DNAJC21: variants seen among roughly 807,000 people sequenced by gnomAD.
DNAJC21 encodes DnaJ heat shock protein family (Hsp40) member C21, also known as dnaJ homolog subfamily C member 21.
DNAJC21 carries 63 observed loss-of-function variants against 72.4 expected under a neutral mutation model. The observed-to-expected ratio is 0.87, with a 90% CI of 0.71 to 1.07. DNAJC21 has a LOEUF of 1.07. Among genes scored for constraint, DNAJC21 ranks in the 50% least tolerant of loss-of-function variants. The pLI, the probability that DNAJC21 is intolerant of heterozygous loss-of-function variation, is 0.00. For synonymous variants in DNAJC21, 203 were observed against 216.7 expected (o/e 0.94, Z 0.56); for missense variants, 634 against 644.8 (o/e 0.98, Z 0.18).
chr5:34,942,850 C>A (rs991360424), intron 7 of DNAJC21, among the ~76,000 whole-genome samples: 8 of 152,154 alleles, frequency 5.3e-5, no homozygotes, highest in African/African-American at 1.9e-4. Flanking sequence ...GGACAGATCA[C>A]CTGAGGTTGG....
intron 1 of DNAJC21, among the ~76,000 whole-genome samples, chr5:34,931,167 G>C (rs924362597): frequency 6.6e-6 from 1 of 152,138 alleles, no homozygotes; most frequent in Non-Finnish European, 1.5e-5. Flanking sequence ...AAGTCAAAAG[G>C]GAATGGCTAT....
intron 9 of DNAJC21, chr5:34,949,686 A>G: frequency 6.2e-7 from 1 of 1,613,636 alleles, no homozygotes; most frequent in Non-Finnish European, 8.5e-7. Context: ...AGGTACGCTT[A>G]GGATATGTTT....
In DNAJC21 at chr5:34,954,632, G is replaced by A. The variant is rs1458878672; in HGVS notation, c.1514G>A (p.Gly505Asp). The A allele has an allele frequency of 6.8e-6, 11 of 1,613,650 alleles. No individual in the cohort carries two copies. The highest frequency in any genetic ancestry group is 1.7e-4 in the Middle Eastern group (1 of 6,060). The change falls in exon 12 of 12, where the codon GGT becomes GAT. Residue 505 changes from glycine to aspartate, a missense_variant. Gly to Asp is a moderately conservative substitution (Grantham distance 94). Coordinates refer to ENST00000648817, the MANE Select transcript of DNAJC21 (RefSeq NM_001012339.3). ...NKLFDHLKAT[G>D]HARAPSSSSL... ...CTTTTTGACCATCTAAAGGCCACAGGTCATGCAAGAGCACCTTCATCATCG... is the reference window on the plus strand; with the variant it reads ...CTTTTTGACCATCTAAAGGCCACAGATCATGCAAGAGCACCTTCATCATCG...
In DNAJC21 at chr5:34,937,536, G is replaced by C; in HGVS notation, c.649G>C (p.Val217Leu). The change falls in exon 5 of 12, where the codon GTG (valine) becomes CTG (leucine). Residue 217 changes from valine to leucine, a missense_variant. Coordinates refer to ENST00000648817, the MANE Select transcript of DNAJC21 (RefSeq NM_001012339.3). The part of the protein sequence containing the change: ...VAFIRKRDKR[V>L]QAHRKLVEEQ... ...TTTCATTCGTAAAAGAGATAAAAGA[G>C]TGCAGGCGCATCGAAAACTTGTGGA... 1.9e-6 allele frequency: 3 copies of C among 1,614,072 alleles called. No individual in the cohort carries two copies. The highest frequency in any genetic ancestry group is 2.5e-6 in the Non-Finnish European group (3 of 1,179,930).
At chr5:34,953,782 A>C in intron 10 of DNAJC21, 144 bp from the exon 11 acceptor site, 1 of 448,180 alleles carries the variant, frequency 2.2e-6, no homozygotes, top group Non-Finnish European at 3.8e-6. Flanking sequence ...TTAAGATGTA[A>C]AGATTATTTA....
In DNAJC21 at chr5:34,958,869, CTA is replaced by C. The variant is rs761798117; in HGVS notation, c.*4157_*4158del. ...TATGTTAAAAAAATAAGAAGAATGA[CTA>C]TTTTTCAAAACAAAAAATGAGAAGA... On this transcript the variant is annotated 3_prime_UTR_variant, in exon 12 of 12. Transcript: ENST00000648817. The C allele has an allele frequency of 2.4e-4, 36 of 152,272 alleles. No homozygotes were observed. Among genetic ancestry groups the C allele is most frequent in the African/African-American group, 7.9e-4 (33 of 41,556 alleles). The allele number at this position is 152,272 out of a possible 1,614,324, so 9.4% of individuals were successfully genotyped here.
At chr5:34,951,858 A>G (rs1375657806) in intron 10 of DNAJC21, 1 of 985,456 alleles carries the variant, frequency 1.0e-6, no homozygotes, top group East Asian at 1.1e-4. Context: ...TGATCTGGGG[A>G]GGAAGAAGGG....
rs1444094974 is a variant in DNAJC21, at chr5:34,950,311, C to T, written c.1327C>T (p.Pro443Ser). 10 of 1,611,474 alleles carry T rather than the reference C, an allele frequency of 6.2e-6. No individual in the cohort carries two copies. Among genetic ancestry groups the T allele is most frequent in the Non-Finnish European group, 8.5e-6 (10 of 1,179,222 alleles). Reference sequence around the variant, plus strand: ...TGTCAGTGTCACAGAGATCATTAAACCATGTGATGATCCAAAAAGTGAAGC... The same window carrying T: ...TGTCAGTGTCACAGAGATCATTAAATCATGTGATGATCCAAAAAGTGAAGC... ...ENVSVTEIIK[P>S]CDDPKSEAKS... The change falls in exon 10 of 12, where the codon CCA becomes TCA. Residue 443 changes from proline to serine, a missense_variant. Transcript: ENST00000648817.
In DNAJC21 at chr5:34,955,446, G is replaced by A. The variant is rs927181975; in HGVS notation, c.*732G>A. 1.3e-5 allele frequency: 2 copies of A among 152,184 alleles called. No individual in the cohort carries two copies. Among genetic ancestry groups the A allele is most frequent in the African/African-American group, 4.8e-5 (2 of 41,452 alleles). The allele number at this position is 152,184 out of a possible 1,614,324, so 9.4% of individuals were successfully genotyped here. ...ACAGTGACAGCTGTAAAGTATGACGGAACAAGGTAGCAGATGGTACAGAAT... is the reference window on the plus strand; with the variant it reads ...ACAGTGACAGCTGTAAAGTATGACGAAACAAGGTAGCAGATGGTACAGAAT... On this transcript the variant is annotated 3_prime_UTR_variant, in exon 12 of 12. Transcript: ENST00000648817.
At chr5:34,930,969 C>T (rs920274399) in intron 1 of DNAJC21, among the ~76,000 whole-genome samples, 2 of 152,188 alleles carry the variant, frequency 1.3e-5, no homozygotes, top group Non-Finnish European at 2.9e-5. Context: ...TTGAGTCTTC[C>T]CCTTCTCAGA....
intron 4 of DNAJC21, 150 bp from the exon 5 acceptor site, chr5:34,937,176 C>G: frequency 1.3e-6 from 1 of 795,872 alleles, no homozygotes; most frequent in South Asian, 2.3e-5. Context: ...TTCTGGAAAG[C>G]CTTAAAAGTA....
At chr5:34,952,161 T>TA (rs1353962371) in intron 10 of DNAJC21, 1 of 982,812 alleles carries the variant, frequency 1.0e-6, no homozygotes, top group Non-Finnish European at 1.2e-6. Context: ...ATAGTATTTT[T>TA]AAAAAATAAA....
chr5:34,952,003 A>G (rs1239904729), intron 10 of DNAJC21: 17 of 984,738 alleles, frequency 1.7e-5, no homozygotes, highest in African/African-American at 1.8e-5. Flanking sequence ...TATACCCAGC[A>G]CCCTCCCCAC....
Position 34,958,321 on chromosome 5 carries a change from C to G in DNAJC21, c.*3607C>G, listed in dbSNP as rs2112118846. On this transcript the variant is annotated 3_prime_UTR_variant, in exon 12 of 12. Coordinates refer to ENST00000648817, the MANE Select transcript of DNAJC21 (RefSeq NM_001012339.3). ...GGGATCCCTGACGAGAATAAAGAGC[C>G]CAGAAACAGGTCCATGTTTATATGG... 1 of 152,190 alleles carries G rather than the reference C, an allele frequency of 6.6e-6. No individual in the cohort carries two copies. The highest frequency in any genetic ancestry group is 2.1e-4 in the South Asian group (1 of 4,820). The allele number at this position is 152,190 out of a possible 1,614,324, so 9.4% of individuals were successfully genotyped here.
In DNAJC21 at chr5:34,931,544, T is replaced by A. The variant is rs547467379; in HGVS notation, c.97+1628T>A. On this transcript the variant is annotated intron_variant, in intron 1 of 11. Transcript: ENST00000648817. ...TAATTTTCTGAAGAGTGATTTTAAATCAGATTGTATTTCTTGAGTACAAGA... is the reference window on the plus strand; with the variant it reads ...TAATTTTCTGAAGAGTGATTTTAAAACAGATTGTATTTCTTGAGTACAAGA... Among the ~76,000 whole-genome samples the A allele has an allele frequency of 3.3e-5, 5 of 152,372 alleles. No individual in the cohort carries two copies. In the East Asian group the frequency reaches 9.6e-4, roughly 29 times the overall value.
At chr5:34,952,484 A>C (rs1450733984) in intron 10 of DNAJC21, 1 of 156,142 alleles carries the variant, frequency 6.4e-6, no homozygotes, top group Non-Finnish European at 1.4e-5. Context: ...CATTATCATC[A>C]CTTACTCATT....
intron 2 of DNAJC21, among the ~76,000 whole-genome samples, chr5:34,934,419 C>T (rs1423094428): frequency 8.8e-5 from 13 of 148,306 alleles, no homozygotes; most frequent in East Asian, 4.0e-4. Context: ...TTAGTAGAGA[C>T]GGGGTTTCAG....
intron 9 of DNAJC21, among the ~76,000 whole-genome samples, chr5:34,947,990 A>G (rs559273566): frequency 1.9e-3 from 287 of 152,288 alleles, no homozygotes; most frequent in Non-Finnish European, 3.2e-3. Flanking sequence ...ATTTGTTCAC[A>G]ATGTAGGTTG....
rs1481869094 is a variant in DNAJC21 at position 34,957,645 on chromosome 5, T to C, written c.*2931T>C. On this transcript the variant is annotated 3_prime_UTR_variant, in exon 12 of 12. Transcript: ENST00000648817. ...AATCCTCCCCTACAAAATTTTCAGA[T>C]TGGAAATTACTCTTGTATTTGTAGA... 6.6e-6 allele frequency: 1 copy of C among 152,204 alleles called. No individual in the cohort carries two copies. The highest frequency in any genetic ancestry group is 6.5e-5 in the Admixed American group (1 of 15,290). The allele number at this position is 152,204 out of a possible 1,614,324, so 9.4% of individuals were successfully genotyped here. A position where few individuals can be genotyped will look rare whatever the true frequency, so the allele number is the denominator to read the frequency against.
Sources: gnomAD v4.1 joint callset for allele counts (sites outside exome capture counted in the v4.1 genomes callset) on GRCh38, gnomAD v4.1.1 for gene constraint, MANE v1.5 for transcripts, NCBI Gene and HGNC (gene_info 2026-07-23, HGNC 2026-07-21) for gene names.